The following PPP1R12C variants were observed in gnomAD, a reference collection of about 807,000 sequenced individuals.
PPP1R12C encodes the protein leukocyte receptor cluster (LRC) encoded novel gene 3.
Under a neutral mutation model 95.6 loss-of-function variants are expected in PPP1R12C, and 48 were observed. The ratio of observed to expected loss-of-function variants is 0.50; its 90% CI spans 0.40 to 0.64. The LOEUF (loss-of-function observed/expected upper bound fraction) is 0.64, where lower values mean the gene tolerates loss of function less well. PPP1R12C is among the 30% of genes least tolerant of loss of function. PPP1R12C has a pLI of 0.00. For synonymous variants in PPP1R12C, 480 were observed against 460.8 expected (o/e 1.04, Z -0.53); for missense variants, 1,057 against 1,083.3 (o/e 0.98, Z 0.34).
intron 4 of PPP1R12C, 42 bp downstream of exon 4, chr19:55,103,367 A>T: frequency 7.3e-7 from 1 of 1,374,124 alleles, no homozygotes; most frequent in Non-Finnish European, 9.5e-7. Flanking sequence ...GATCCACAGG[A>T]AGGTATAAGA....
intron 1 of PPP1R12C, chr19:55,113,530 G>T: frequency 7.2e-7 from 1 of 1,386,554 alleles, no homozygotes; most frequent in South Asian, 1.6e-5. Flanking sequence ...GACAAAAGCC[G>T]AAGTCCAGGG....
At chr19:55,116,550 G>T (rs1182896814) in intron 1 of PPP1R12C, among the ~76,000 whole-genome samples, 2 of 152,312 alleles carry the variant, frequency 1.3e-5, no homozygotes, top group South Asian at 4.1e-4. Context: ...CCAGGGGAGA[G>T]AATGCAGGTC....
chr19:55,104,190 A>G (rs1199979817), intron 3 of PPP1R12C, among the ~76,000 whole-genome samples: 1 of 107,224 alleles, frequency 9.3e-6, no homozygotes. Context: ...GTATATATAT[A>G]TATATATATA....
At chr19:55,104,950 TTAATAGA>T (rs1461364429) in intron 3 of PPP1R12C, among the ~76,000 whole-genome samples, 1 of 151,908 alleles carries the variant, frequency 6.6e-6, no homozygotes, top group Non-Finnish European at 1.5e-5. Flanking sequence ...TTTTGTATTT[TTAATAGA>T]GATGGGGTTT....
chr19:55,105,263 T>G (rs145051621), intron 3 of PPP1R12C, among the ~76,000 whole-genome samples: 1 of 152,174 alleles, frequency 6.6e-6, no homozygotes, highest in African/African-American at 2.4e-5. Flanking sequence ...AATCCTATTA[T>G]AGCCGAATGG....
rs755181521 is a variant in PPP1R12C at position 55,095,568 on chromosome 19, G to C, written c.1263C>G (p.Gly421=). 4 of 1,581,848 alleles carry C rather than the reference G, an allele frequency of 2.5e-6. No homozygotes were observed. The highest frequency in any genetic ancestry group is 3.4e-6 in the Non-Finnish European group (4 of 1,167,172). The change falls in exon 10 of 22, where the codon GGC becomes GGG. Residue 421 remains glycine (G), a synonymous_variant. Coordinates refer to ENST00000263433, the MANE Select transcript of PPP1R12C (RefSeq NM_017607.4). The stretch of plus-strand genomic sequence containing the variant: ...CACCAGAACTCCCTGTCTTCAGGAG[G>C]CCAAAGCGCCTGGAGAAGGGGGCCT... ...LEEAPFSRRF[G]LLKTGSSGAL... is the part of the protein sequence containing the mutation.
At chr19:55,099,143 G>A in intron 4 of PPP1R12C, 48 bp from the exon 5 acceptor site, 1 of 1,460,112 alleles carries the variant, frequency 6.8e-7, no homozygotes, top group Non-Finnish European at 9.1e-7. Flanking sequence ...GGGGCCCTTG[G>A]CCGAGGGCTG....
chr19:55,102,164 C>T lies in PPP1R12C; in HGVS notation c.731+1245G>A, dbSNP rs537600232. 9.8e-4 allele frequency among the ~76,000 whole-genome samples: 150 copies of T among 152,316 alleles called. 1 individual carries two copies. Among genetic ancestry groups the T allele is most frequent in the Non-Finnish European group, 1.9e-3 (126 of 68,026 alleles). On this transcript the variant is annotated intron_variant, in intron 4 of 21. Coordinates refer to ENST00000263433, the MANE Select transcript of PPP1R12C (RefSeq NM_017607.4). ...AAAGGCAGCCAAATAGGAACAAAAT[C>T]TAAGACTGAGGTGAGGATGACAGAA... is the stretch of plus-strand genomic sequence containing the variant.
In PPP1R12C at chr19:55,098,962, G is replaced by T; in HGVS notation, c.865C>A (p.Leu289Met). ...LAEHGGGMDS[L>M]THAGQRPCDL... ...GCACTGGCCCTCACCGCATGGGTCA[G>T]TGAGTCCATGCCCCCGCCATGCTCG... Residue 289 changes from leucine to methionine, a missense_variant, in exon 5 of 22, where the codon CTG (leucine) becomes ATG (methionine). By Grantham distance (15) the Leu-to-Met change is conservative (BLOSUM62 2). Transcript: ENST00000263433. The T allele has an allele frequency of 6.3e-7, 1 of 1,575,370 alleles. No individual in the cohort carries two copies. The highest frequency in any genetic ancestry group is 8.6e-7 in the Non-Finnish European group (1 of 1,160,236).
intron 21 of PPP1R12C, 43 bp from the exon 22 acceptor site, chr19:55,091,601 C>CA (rs1602965595): frequency 6.2e-7 from 1 of 1,604,636 alleles, no homozygotes; most frequent in African/African-American, 1.3e-5. Flanking sequence ...TGGCGGGTTG[C>CA]ACCCCCACCC....
At chr19:55,113,286 C>T (rs546500908) in intron 1 of PPP1R12C, 27 of 813,684 alleles carry the variant, frequency 3.3e-5, no homozygotes, top group Middle Eastern at 3.9e-4. Context: ...TCTGCAGGAA[C>T]GAAGCCGTGG....
intron 6 of PPP1R12C, 140 bp downstream of exon 6, chr19:55,098,644 G>T: frequency 2.9e-6 from 3 of 1,042,654 alleles, no homozygotes; most frequent in Non-Finnish European, 4.3e-6. Flanking sequence ...TGGGGCTGGG[G>T]CTGGGTCACC....
At position 55,092,515 on chromosome 19, in the gene PPP1R12C, C is replaced by T. The variant is rs1167321601; in HGVS notation, c.1982G>A (p.Arg661Lys). The T allele has an allele frequency of 3.1e-5, 50 of 1,608,492 alleles. No homozygotes were observed. Among genetic ancestry groups the T allele is most frequent in the Non-Finnish European group, 4.2e-5 (49 of 1,178,026 alleles). Reference sequence around the variant, plus strand: ...GTTGAGGTCCCGCTGCCACCGCTGCCTGCGGGCCGAGGGGCCGCCCTCCAG... The same window carrying T: ...GTTGAGGTCCCGCTGCCACCGCTGCTTGCGGGCCGAGGGGCCGCCCTCCAG... ...STLEGGPSARRQRWQRDLNPE... is the reference protein window; with the variant it reads ...STLEGGPSARKQRWQRDLNPE... Residue 661 changes from arginine (R) to lysine (K), a missense_variant, in exon 18 of 22, where the codon AGG becomes AAG. Transcript: ENST00000263433.
Position 55,109,433 on chromosome 19 carries a change from G to A in PPP1R12C, c.571+3034C>T, listed in dbSNP as rs568664692. On this transcript the variant is annotated intron_variant, in intron 3 of 21. Transcript: ENST00000263433. This position sits in a 1 kb window ranked among gnomAD's most constrained non-coding sequence, Gnocchi z 4.4. ...TTTTCCGGCCTGAGCCAGGAGGAAC[G>A]GGTTTTGGTTCTTGCAAAGAGTCAT... is the stretch of plus-strand genomic sequence containing the variant. Among the ~76,000 whole-genome samples the A allele has an allele frequency of 4.6e-5, 7 of 152,326 alleles. No individual in the cohort carries two copies. In the East Asian group the frequency reaches 7.7e-4, roughly 17 times the overall value.
In PPP1R12C at chr19:55,095,872, G is replaced by A. The variant is rs200041199; in HGVS notation, c.1222C>T (p.Pro408Ser). 128 of 1,613,724 alleles carry A rather than the reference G, an allele frequency of 7.9e-5. 1 individual carries two copies. In the East Asian group the frequency reaches 2.8e-3, roughly 36 times the overall value. Residue 408 changes from proline to serine, a missense_variant, in exon 9 of 22, where the codon CCC (proline) becomes TCC (serine). By Grantham distance (74) the Pro-to-Ser change is moderately conservative. Around this residue, in one of 5 missense-constraint regions of PPP1R12C, gnomAD observed 356 missense variants for 330.5 expected, o/e 1.08. Coordinates refer to ENST00000263433, the MANE Select transcript of PPP1R12C (RefSeq NM_017607.4). Reference sequence around the variant, plus strand: ...CTCTCAGGGCATCCACTCACCACGGGACTCTTAGGGCTGGGGTGCGGCGGG... The same window carrying A: ...CTCTCAGGGCATCCACTCACCACGGAACTCTTAGGGCTGGGGTGCGGCGGG... Reference protein sequence around the residue: ...SSPPHPSPKSPVQLEEAPFSR... With the variant: ...SSPPHPSPKSSVQLEEAPFSR...
At chr19:55,096,211 G>A (rs771082574) in intron 7 of PPP1R12C, 33 bp from the exon 8 acceptor site, 3 of 1,613,102 alleles carry the variant, frequency 1.9e-6, no homozygotes, top group African/African-American at 2.7e-5. Flanking sequence ...TGGGGTACAA[G>A]CCCGGGGCCT....
chr19:55,096,019 C>A (rs749138389), intron 8 of PPP1R12C, 32 bp downstream of exon 8: 1 of 1,608,336 alleles, frequency 6.2e-7, no homozygotes, highest in Non-Finnish European at 8.5e-7. Flanking sequence ...CCTCCTCCCT[C>A]GGACCCAGGA....
At position 55,092,500 on chromosome 19, in the gene PPP1R12C, C is replaced by T. The variant is rs771894836; in HGVS notation, c.1997G>A (p.Arg666Gln). Residue 666 changes from arginine (R) to glutamine (Q), a missense_variant, in exon 18 of 22, where the codon CGG becomes CAG. Physicochemically the swap from Arg to Gln is conservative, Grantham distance 43. Coordinates refer to ENST00000263433, the MANE Select transcript of PPP1R12C (RefSeq NM_017607.4). ...TGGCTCAGGTTCTGGGTTGAGGTCC[C>T]GCTGCCACCGCTGCCTGCGGGCCGA... is the stretch of plus-strand genomic sequence containing the variant. ...GPSARRQRWQ[R>Q]DLNPEPEPES... The T allele has an allele frequency of 5.0e-6, 8 of 1,608,822 alleles. No homozygotes were observed. The highest frequency in any genetic ancestry group is 4.4e-5 in the South Asian group (4 of 90,478).
intron 19 of PPP1R12C, 113 bp from the exon 20 acceptor site, chr19:55,092,022 C>A: frequency 7.5e-7 from 1 of 1,332,728 alleles, no homozygotes; most frequent in Non-Finnish European, 1.1e-6. Context: ...ACAAGCCCTT[C>A]CCCCACGGGC....
Sources: allele counts gnomAD v4.1 joint callset (sites outside exome capture counted in the v4.1 genomes callset), GRCh38; gene constraint gnomAD v4.1.1; regional missense constraint gnomAD v4.1.1; non-coding constraint Gnocchi (gnomAD v3.1); transcripts MANE v1.5; gene names NCBI Gene and HGNC (gene_info 2026-07-23, HGNC 2026-07-21).